Variants in ATP9A observed in about 807,000 individuals in gnomAD.
ATP9A encodes probable phospholipid-transporting ATPase IIA.
Under a neutral mutation model 144.1 loss-of-function variants are expected in ATP9A, and 52 were observed. That is an observed-to-expected ratio of 0.36 (90% CI 0.29 to 0.45). The LOEUF is 0.45. Among genes scored for constraint, ATP9A ranks in the 20% least tolerant of loss-of-function variants. The pLI is 1.00. For synonymous variants in ATP9A, 582 were observed against 557.4 expected (o/e 1.04, Z -0.62); for missense variants, 947 against 1,392.7 (o/e 0.68, Z 5.09).
At chr20:51,718,764 G>A (rs1367551574) in intron 3 of ATP9A, among the ~76,000 whole-genome samples, 3 of 137,244 alleles carry the variant, frequency 2.2e-5, no homozygotes, top group Non-Finnish European at 3.1e-5. Context: ...GCAGTGAGCC[G>A]AGATCGCACC....
chr20:51,680,959 C>T (rs375867885), intron 9 of ATP9A, among the ~76,000 whole-genome samples: 2 of 152,156 alleles, frequency 1.3e-5, no homozygotes, highest in African/African-American at 2.4e-5. Context: ...ACCCCTCCCC[C>T]CAAAATAACC....
chr20:51,765,699 T>C (rs1391534482), intron 1 of ATP9A, among the ~76,000 whole-genome samples: 1 of 149,012 alleles, frequency 6.7e-6, no homozygotes, highest in Non-Finnish European at 1.5e-5. Flanking sequence ...CTCACGTCTG[T>C]AATCCCAGCA....
At chr20:51,674,387 AG>A in intron 10 of ATP9A, 74 bp from the exon 11 acceptor site, 1 of 1,511,686 alleles carries the variant, frequency 6.6e-7, no homozygotes. Flanking sequence ...CAGGAGGTGG[AG>A]GCTGCAGTGA....
rs964436824 is a variant in ATP9A at position 51,611,606 on chromosome 20, G to A, written c.2572-1441C>T. Among the ~76,000 whole-genome samples the A allele has an allele frequency of 2.6e-5, 4 of 152,162 alleles. No individual in the cohort carries two copies. The highest frequency in any genetic ancestry group is 5.9e-5 in the Non-Finnish European group (4 of 68,024). Reference sequence around the variant, plus strand: ...TTAAAGGCATTTTCTTTAGCACAAAGAACAATGCCTCATCCTGGAATTCTT... The same window carrying A: ...TTAAAGGCATTTTCTTTAGCACAAAAAACAATGCCTCATCCTGGAATTCTT... On this transcript the variant is annotated intron_variant, in intron 23 of 27. Transcript: ENST00000338821. This position sits in a 1 kb window ranked among gnomAD's most constrained non-coding sequence, Gnocchi z 4.2.
At position 51,640,337 on chromosome 20, in the gene ATP9A, T is replaced by A. The variant is rs1013793340; in HGVS notation, c.1507-833A>T. Among the ~76,000 whole-genome samples, 3 of 152,222 alleles carry A rather than the reference T, an allele frequency of 2.0e-5. No homozygotes were observed. The East Asian group carries it at 5.8e-4, about 29-fold the overall frequency. On this transcript the variant is annotated intron_variant, in intron 14 of 27. Coordinates refer to ENST00000338821, the MANE Select transcript of ATP9A (RefSeq NM_006045.3). The stretch of plus-strand genomic sequence containing the variant: ...GCCAACATCTGGGGGAATCTGTACT[T>A]GTCACAACTGGAAGGAGGTAATGCT...
rs2077142107 is a variant in ATP9A at position 51,601,321 on chromosome 20, A to G, written c.3034T>C (p.Phe1012Leu). The G allele has an allele frequency of 1.2e-5, 20 of 1,613,294 alleles. No homozygotes were observed. Among genetic ancestry groups the G allele is most frequent in the Non-Finnish European group, 1.4e-5 (16 of 1,179,710 alleles). ...IDVYFIATLS[F>L]LWKVSVITLV... Reference sequence around the variant, plus strand: ...GTGATGACGGAGACTTTCCACAAGAATGACAAGGTGGCGATGAAGTACACA... The same window carrying G: ...GTGATGACGGAGACTTTCCACAAGAGTGACAAGGTGGCGATGAAGTACACA... Residue 1012 changes from phenylalanine (F) to leucine (L), a missense_variant, in exon 28 of 28, where the codon TTC (phenylalanine) becomes CTC (leucine). Around this residue, in one of 2 missense-constraint regions of ATP9A, gnomAD observed 177 missense variants for 344.9 expected, o/e 0.51. Transcript: ENST00000338821.
At chr20:51,748,101 T>C (rs1326263872) in intron 1 of ATP9A, among the ~76,000 whole-genome samples, 1 of 152,132 alleles carries the variant, frequency 6.6e-6, no homozygotes, top group Non-Finnish European at 1.5e-5. Flanking sequence ...TGTTTCTCTC[T>C]AGACCAGGAC....
chr20:51,767,294 C>A (rs967951717), intron 1 of ATP9A, among the ~76,000 whole-genome samples: 2 of 152,274 alleles, frequency 1.3e-5, no homozygotes, highest in East Asian at 1.9e-4. Flanking sequence ...GCCTCACCTG[C>A]GCGGCCTGTG....
chr20:51,645,831 C>CA (rs1219515200), intron 14 of ATP9A, among the ~76,000 whole-genome samples: 1 of 152,194 alleles, frequency 6.6e-6, no homozygotes, highest in Admixed American at 6.5e-5. Context: ...TGATATACAA[C>CA]AAGGTTACTT....
chr20:51,699,896 C>T (rs922884221), intron 4 of ATP9A, among the ~76,000 whole-genome samples: 6 of 152,270 alleles, frequency 3.9e-5, no homozygotes, highest in Non-Finnish European at 7.3e-5. Flanking sequence ...CCGCCTCGGC[C>T]TCCCAAAGTG....
intron 1 of ATP9A, among the ~76,000 whole-genome samples, chr20:51,736,668 G>A (rs996945965): frequency 6.6e-6 from 1 of 152,050 alleles, no homozygotes; most frequent in Non-Finnish European, 1.5e-5. Flanking sequence ...ACATTGTAGT[G>A]ATAGCTACAC....
At chr20:51,693,894 C>T (rs1200190156) in intron 7 of ATP9A, 114 bp downstream of exon 7, 1 of 904,390 alleles carries the variant, frequency 1.1e-6, no homozygotes, top group Non-Finnish European at 1.7e-6. Context: ...CCCACGCTCC[C>T]CTACTGGCCC....
chr20:51,673,487 A>G (rs1316394634), intron 11 of ATP9A, among the ~76,000 whole-genome samples: 1 of 152,212 alleles, frequency 6.6e-6, no homozygotes. Flanking sequence ...ACTGCTGTCA[A>G]TCACAACACC....
At chr20:51,623,787 CA>C (rs746253035) in intron 18 of ATP9A, among the ~76,000 whole-genome samples, 3,951 of 72,110 alleles carry the variant, frequency 0.055, 48 homozygotes, top group Non-Finnish European at 0.078. Flanking sequence ...AACTCTGTCT[CA>C]AAAAAAAAAA....
At chr20:51,713,210 C>T (rs2077647648) in intron 3 of ATP9A, 136 bp from the exon 4 acceptor site, 1 of 729,716 alleles carries the variant, frequency 1.4e-6, no homozygotes, top group African/African-American at 1.7e-5. Flanking sequence ...GTGAGTTATT[C>T]CAAATGCACA....
chr20:51,682,782 G>A (rs1302983077), intron 9 of ATP9A, among the ~76,000 whole-genome samples: 8 of 147,346 alleles, frequency 5.4e-5, no homozygotes, highest in Non-Finnish European at 7.5e-5. Context: ...TAGTAGAGGC[G>A]GGGTTTTACC....
intron 1 of ATP9A, among the ~76,000 whole-genome samples, chr20:51,738,618 G>A (rs1456702914): frequency 2.0e-5 from 3 of 152,112 alleles, no homozygotes; most frequent in Non-Finnish European, 2.9e-5. Flanking sequence ...ATTGACGCAG[G>A]AGAATCTCTT....
chr20:51,727,801 C>T (rs1004883791), intron 2 of ATP9A, among the ~76,000 whole-genome samples: 3 of 150,426 alleles, frequency 2.0e-5, no homozygotes, highest in Non-Finnish European at 4.4e-5. Context: ...CATGGGAGCA[C>T]GTGCCTGTAA....
At chr20:51,650,594 T>C (rs1158231911) in intron 14 of ATP9A, among the ~76,000 whole-genome samples, 1 of 152,148 alleles carries the variant, frequency 6.6e-6, no homozygotes, top group African/African-American at 2.4e-5. Flanking sequence ...AGGGTAATTC[T>C]AATACATGCA....
Sources: allele counts gnomAD v4.1 joint callset (sites outside exome capture counted in the v4.1 genomes callset), GRCh38; gene constraint gnomAD v4.1.1; regional missense constraint gnomAD v4.1.1; non-coding constraint Gnocchi (gnomAD v3.1); transcripts MANE v1.5; gene names NCBI Gene and HGNC (gene_info 2026-07-23, HGNC 2026-07-21).